The following SDK1 variants were observed in gnomAD, a reference collection of about 807,000 sequenced individuals.
SDK1 encodes sidekick cell adhesion molecule 1, also known as protein sidekick-1.
In SDK1, 157 loss-of-function variants were observed where a neutral mutation model predicts 245.5. The observed-to-expected ratio is 0.64, with a 90% CI of 0.56 to 0.73. The LOEUF is 0.73. Among genes scored for constraint, SDK1 ranks in the 30% least tolerant of loss-of-function variants. The pLI is 0.00. For missense variants in SDK1, 3,583 were observed against 3,002.3 expected (o/e 1.19, Z -4.52); for synonymous variants, 1,647 against 1,278.5 (o/e 1.29, Z -6.15).
At chr7:4,201,625 A>C (rs560330888) in intron 35 of SDK1, among the ~76,000 whole-genome samples, 1 of 152,384 alleles carries the variant, frequency 6.6e-6, no homozygotes, top group East Asian at 1.9e-4. Flanking sequence ...CTCTAGCCAC[A>C]GCAGATGCCT....
At chr7:4,139,259 C>T (rs955425631) in intron 28 of SDK1, among the ~76,000 whole-genome samples, 2 of 152,146 alleles carry the variant, frequency 1.3e-5, no homozygotes, top group East Asian at 1.9e-4. Flanking sequence ...GTTCGTGGGG[C>T]ACCCACCCTA....
At chr7:3,411,785 T>C (rs1489023112) in intron 1 of SDK1, among the ~76,000 whole-genome samples, 1 of 152,180 alleles carries the variant, frequency 6.6e-6, no homozygotes, top group Non-Finnish European at 1.5e-5. Context: ...TTAAGAGCAA[T>C]AGACTATAAA....
chr7:3,818,826 G>T (rs1289611361), intron 4 of SDK1, among the ~76,000 whole-genome samples: 3 of 152,090 alleles, frequency 2.0e-5, no homozygotes, highest in Non-Finnish European at 4.4e-5. Flanking sequence ...TTTCTATCAT[G>T]GCCATAAAAT....
intron 1 of SDK1, among the ~76,000 whole-genome samples, chr7:3,389,719 C>G (rs74922065): frequency 6.7e-6 from 1 of 150,206 alleles, no homozygotes; most frequent in South Asian, 2.1e-4. Flanking sequence ...GAGCTGTGAT[C>G]GTGCCACTGC....
At chr7:4,061,086 G>A (rs1779511392) in intron 19 of SDK1, among the ~76,000 whole-genome samples, 3 of 152,202 alleles carry the variant, frequency 2.0e-5, no homozygotes, top group Admixed American at 1.3e-4. Context: ...GATGCTTCCA[G>A]CTTTGTTCTT....
intron 1 of SDK1, among the ~76,000 whole-genome samples, chr7:3,325,588 T>C (rs1465676703): frequency 2.0e-5 from 3 of 152,098 alleles, no homozygotes; most frequent in African/African-American, 7.2e-5. Flanking sequence ...AATAGGTTTA[T>C]AAAAGTAACC....
chr7:3,669,243 A>G (rs977567610), intron 4 of SDK1, among the ~76,000 whole-genome samples: 1 of 152,256 alleles, frequency 6.6e-6, no homozygotes, highest in African/African-American at 2.4e-5. Flanking sequence ...AAAGCAGTGT[A>G]GGAGCAGAGG....
At chr7:3,601,069 A>G (rs989378437) in intron 1 of SDK1, among the ~76,000 whole-genome samples, 8 of 152,036 alleles carry the variant, frequency 5.3e-5, no homozygotes, top group African/African-American at 1.9e-4. Flanking sequence ...TACCTAGAAG[A>G]TACTCTACTT....
chr7:4,150,650 G>A (rs1780302293), intron 30 of SDK1, among the ~76,000 whole-genome samples: 1 of 152,232 alleles, frequency 6.6e-6, no homozygotes, highest in Non-Finnish European at 1.5e-5. Context: ...ATGTAGGGAG[G>A]GAGGCAGGTC....
At chr7:4,057,715 C>A (rs1779285976) in intron 19 of SDK1, among the ~76,000 whole-genome samples, 3 of 152,204 alleles carry the variant, frequency 2.0e-5, no homozygotes, top group African/African-American at 7.2e-5. Context: ...CACCTGGTGT[C>A]CCTGTCCCCA....
intron 1 of SDK1, among the ~76,000 whole-genome samples, chr7:3,529,279 G>T (rs1252666442): frequency 6.6e-6 from 1 of 152,142 alleles, no homozygotes; most frequent in Non-Finnish European, 1.5e-5. Flanking sequence ...TTTGCCAACT[G>T]CCTAGATTCT....
chr7:3,629,771 C>G (rs1407908142), intron 2 of SDK1, among the ~76,000 whole-genome samples: 1 of 152,148 alleles, frequency 6.6e-6, no homozygotes, highest in Non-Finnish European at 1.5e-5. Context: ...TGTCTAGAAT[C>G]TAATCAAAGA....
intron 1 of SDK1, among the ~76,000 whole-genome samples, chr7:3,360,547 G>A (rs746484465): frequency 3.9e-5 from 6 of 152,084 alleles, no homozygotes; most frequent in Non-Finnish European, 5.9e-5. Flanking sequence ...TGATATTTTC[G>A]ATAGAAATAA....
intron 2 of SDK1, among the ~76,000 whole-genome samples, chr7:3,635,971 A>G (rs369916962): frequency 2.6e-5 from 4 of 152,304 alleles, no homozygotes; most frequent in African/African-American, 9.6e-5. Flanking sequence ...AAAAGCATCC[A>G]ATCCTCATGT....
intron 1 of SDK1, among the ~76,000 whole-genome samples, chr7:3,505,218 G>C (rs149366288): frequency 6.7e-6 from 1 of 149,204 alleles, no homozygotes; most frequent in Non-Finnish European, 1.5e-5. Context: ...ATTTTTTTTT[G>C]ATCTAGGGTT....
chr7:3,713,394 A>G (rs528693903), intron 4 of SDK1, among the ~76,000 whole-genome samples: 1 of 152,330 alleles, frequency 6.6e-6, no homozygotes, highest in South Asian at 2.1e-4. Flanking sequence ...AAAACTAAGT[A>G]AGGACTTCAA....
intron 41 of SDK1, among the ~76,000 whole-genome samples, chr7:4,236,688 G>A (rs1183949710): frequency 6.6e-6 from 1 of 151,998 alleles, no homozygotes; most frequent in African/African-American, 2.4e-5. Context: ...GATTTCTATC[G>A]GAGGAAGACC....
chr7:4,070,201 G>A (rs755742717), intron 20 of SDK1, among the ~76,000 whole-genome samples: 7 of 152,216 alleles, frequency 4.6e-5, no homozygotes, highest in Non-Finnish European at 8.8e-5. Flanking sequence ...AGTGACCACA[G>A]TTAGTTCCTA....
At chr7:3,552,837 A>T (rs1436897666) in intron 1 of SDK1, among the ~76,000 whole-genome samples, 1 of 152,206 alleles carries the variant, frequency 6.6e-6, no homozygotes, top group Non-Finnish European at 1.5e-5. Flanking sequence ...ATGTTCAATA[A>T]ATTCAGAAGT....
Sources: allele counts gnomAD v4.1 joint callset (sites outside exome capture counted in the v4.1 genomes callset), GRCh38; gene constraint gnomAD v4.1.1; transcripts MANE v1.5; gene names NCBI Gene and HGNC (gene_info 2026-07-23, HGNC 2026-07-21).